Variants in ANO4 observed in about 807,000 individuals in gnomAD.
ANO4 encodes the protein anoctamin-4.
Under a neutral mutation model 141.9 loss-of-function variants are expected in ANO4, and 69 were observed. The observed-to-expected ratio is 0.49, with a 90% CI of 0.40 to 0.59. ANO4 has a LOEUF of 0.59. Among genes scored for constraint, ANO4 ranks in the 20% least tolerant of loss-of-function variants. ANO4 has a pLI of 0.00. For synonymous variants in ANO4, 350 were observed against 394.3 expected, an observed-to-expected ratio of 0.89 and a Z score of 1.33; for missense variants, 894 against 1,162.2, an observed-to-expected ratio of 0.77 and a Z score of 3.36.
At chr12:100,752,706 G>T (rs1196361473) in intron 3 of ANO4, among the ~76,000 whole-genome samples, 1 of 152,180 alleles carries the variant, frequency 6.6e-6, no homozygotes, top group Non-Finnish European at 1.5e-5. Flanking sequence ...CTATGGCAAT[G>T]AGACTGTCTC....
chr12:101,018,846 T>TC (rs1361008395), intron 8 of ANO4, among the ~76,000 whole-genome samples: 2 of 152,170 alleles, frequency 1.3e-5, no homozygotes, highest in Non-Finnish European at 2.9e-5. Context: ...TGCTCTTGCT[T>TC]CCCCACTATA....
upstream of ANO4, among the ~76,000 whole-genome samples, chr12:100,789,827 C>G (rs1321146516): frequency 1.3e-5 from 2 of 152,176 alleles, no homozygotes; most frequent in Non-Finnish European, 2.9e-5. Flanking sequence ...TCTTTGTGTA[C>G]TTATTGAGCT....
intron 22 of ANO4, among the ~76,000 whole-genome samples, chr12:101,107,036 TAAAC>T (rs1257499571): frequency 2.0e-5 from 3 of 152,164 alleles, no homozygotes; most frequent in African/African-American, 7.2e-5. Flanking sequence ...AGGTGTCAGA[TAAAC>T]AAAAACTACC....
At chr12:101,073,279 G>A (rs752942252) in intron 14 of ANO4, among the ~76,000 whole-genome samples, 1 of 151,924 alleles carries the variant, frequency 6.6e-6, no homozygotes, top group Non-Finnish European at 1.5e-5. Flanking sequence ...ACAAGGACAT[G>A]GATGAAGCTG....
chr12:100,934,036 A>G (rs763786532), intron 3 of ANO4, among the ~76,000 whole-genome samples: 77 of 152,098 alleles, frequency 5.1e-4, no homozygotes, highest in Non-Finnish European at 1.0e-3. Context: ...TTTTTCTCCC[A>G]TTCTGTAGAT....
chr12:101,088,514 TTTTG>T (rs758085955), intron 17 of ANO4, among the ~76,000 whole-genome samples: 63 of 152,280 alleles, frequency 4.1e-4, no homozygotes, highest in Non-Finnish European at 7.5e-4. Context: ...CTTTTCTTTA[TTTTG>T]TTTGTTTGTT....
In ANO4 at chr12:101,063,745, C is replaced by CTTTTTTTTTTTTTTTTTTTTT; in HGVS notation, c.1312+15357_1312+15377dup. On this transcript the variant is annotated intron_variant, in intron 14 of 27. Transcript: ENST00000392977. ...ATGGATGGAAGGTTGTCCAGGTTATCTTTTTTTTTTTTTTTTTTTTTTTTT... is the reference window on the plus strand; with the variant it reads ...ATGGATGGAAGGTTGTCCAGGTTATCTTTTTTTTTTTTTTTTTTTTTTTTTTTTTTTTTTTTTTTTTTTTTT... 2.0e-4 allele frequency among the ~76,000 whole-genome samples: 5 copies of CTTTTTTTTTTTTTTTTTTTTT among 24,772 alleles called. 1 individual carries two copies. The highest frequency in any genetic ancestry group is 6.9e-4 in the Admixed American group (1 of 1,446). 16.3% of individuals were successfully genotyped at this position (24,772 alleles called of 152,430 possible). A position where few individuals can be genotyped will look rare whatever the true frequency, so the allele number is the denominator to read the frequency against.
At chr12:101,066,641 A>C in intron 14 of ANO4, 1 of 579,746 alleles carries the variant, frequency 1.7e-6, no homozygotes, top group East Asian at 2.8e-5. Context: ...GAGAGTATCC[A>C]TGGCTTTGCG....
At chr12:101,042,719 A>G (rs1472910993) in intron 12 of ANO4, among the ~76,000 whole-genome samples, 1 of 152,230 alleles carries the variant, frequency 6.6e-6, no homozygotes, top group Non-Finnish European at 1.5e-5. Flanking sequence ...CCACAGAACA[A>G]GCCGCCTTCA....
chr12:100,825,097 A>G (rs2036259947), intron 1 of ANO4, among the ~76,000 whole-genome samples: 1 of 151,984 alleles, frequency 6.6e-6, no homozygotes, highest in South Asian at 2.1e-4. Context: ...AAATAACTTC[A>G]CTGGTATCAA....
At chr12:100,786,323 A>G (rs1306608502) in intron 3 of ANO4, among the ~76,000 whole-genome samples, 1 of 152,148 alleles carries the variant, frequency 6.6e-6, no homozygotes, top group East Asian at 1.9e-4. Context: ...TGGATGCACT[A>G]TAGCTAACTT....
chr12:100,931,046 A>G lies in ANO4; in HGVS notation c.161-8269A>G, dbSNP rs147051484. On this transcript the variant is annotated intron_variant, in intron 3 of 27. Coordinates refer to ENST00000392977, the MANE Select transcript of ANO4 (RefSeq NM_001286615.2). Reference sequence around the variant, plus strand: ...TCCTTTCTAATTGCTTTATTTATTTATTTTGAGTTTTTAAACTTAAACCTC... The same window carrying G: ...TCCTTTCTAATTGCTTTATTTATTTGTTTTGAGTTTTTAAACTTAAACCTC... Among the ~76,000 whole-genome samples the G allele has an allele frequency of 7.5e-3, 1,145 of 152,206 alleles. 7 individuals carry two copies. The highest frequency in any genetic ancestry group is 0.013 in the Non-Finnish European group (866 of 67,990).
chr12:100,926,602 T>TTG (rs3059281), intron 3 of ANO4, among the ~76,000 whole-genome samples: 14,392 of 147,406 alleles, frequency 0.098, 741 homozygotes, highest in Non-Finnish European at 0.13. Context: ...AAGGGTGTGT[T>TTG]TGTGTGTGTG....
Position 101,066,816 on chromosome 12 carries a change from A to T in ANO4, c.1313-12377A>T, listed in dbSNP as rs370716950. ...TCTGTATCTGTGGACCTGAATGTTGATCCCTCACTTCAGATTGACATACCT... is the reference window on the plus strand; with the variant it reads ...TCTGTATCTGTGGACCTGAATGTTGTTCCCTCACTTCAGATTGACATACCT... On this transcript the variant is annotated intron_variant, in intron 14 of 27. Coordinates refer to ENST00000392977, the MANE Select transcript of ANO4 (RefSeq NM_001286615.2). 9 of 1,404,752 alleles carry T rather than the reference A, an allele frequency of 6.4e-6. No individual in the cohort carries two copies. The East Asian group carries it at 1.6e-4, about 25-fold the overall frequency. The allele number at this position is 1,404,752 out of a possible 1,614,324, so 87.0% of individuals were successfully genotyped here.
intron 7 of ANO4, among the ~76,000 whole-genome samples, chr12:100,979,988 C>T (rs2044383260): frequency 6.6e-6 from 1 of 151,560 alleles, no homozygotes; most frequent in African/African-American, 2.4e-5. Flanking sequence ...GATCCTCCCA[C>T]CTTGGCCTCC....
chr12:100,820,821 G>A (rs1486339156), intron 1 of ANO4, among the ~76,000 whole-genome samples: 1 of 152,060 alleles, frequency 6.6e-6, no homozygotes, highest in Non-Finnish European at 1.5e-5. Flanking sequence ...AAATGATAAA[G>A]TGATGGATGC....
intron 14 of ANO4, among the ~76,000 whole-genome samples, chr12:101,069,389 C>T (rs1036976747): frequency 7.9e-5 from 12 of 152,116 alleles, no homozygotes; most frequent in African/African-American, 2.9e-4. Flanking sequence ...AACATTTAAC[C>T]ATGTTGGTTT....
chr12:101,065,536 A>C (rs1398534229), intron 14 of ANO4, among the ~76,000 whole-genome samples: 2 of 152,226 alleles, frequency 1.3e-5, no homozygotes, highest in African/African-American at 4.8e-5. Flanking sequence ...TCTTAGACTC[A>C]TACAACTTAC....
chr12:101,091,489 C>T (rs945201898), intron 17 of ANO4, among the ~76,000 whole-genome samples: 3 of 152,080 alleles, frequency 2.0e-5, no homozygotes, highest in Non-Finnish European at 2.9e-5. Context: ...AATTTTAAGT[C>T]GTTTCTATCA....
Sources: allele counts gnomAD v4.1 joint callset (sites outside exome capture counted in the v4.1 genomes callset), GRCh38; gene constraint gnomAD v4.1.1; transcripts MANE v1.5; gene names NCBI Gene and HGNC (gene_info 2026-07-23, HGNC 2026-07-21).